Variants in PRKCB observed in about 807,000 individuals in gnomAD.
PRKCB encodes the protein protein kinase C beta type.
In PRKCB, 13 loss-of-function variants were observed where a neutral mutation model predicts 81.5. The observed-to-expected ratio is 0.16, with a 90% CI of 0.10 to 0.25. The LOEUF (loss-of-function observed/expected upper bound fraction) is 0.25. PRKCB is among the 10% of genes least tolerant of loss of function. The pLI, the probability that PRKCB is intolerant of heterozygous loss-of-function variation, is 1.00. For missense variants in PRKCB, 509 were observed against 875.7 expected, an observed-to-expected ratio of 0.58 and a Z score of 5.29; for synonymous variants, 335 against 321.4, an observed-to-expected ratio of 1.04 and a Z score of -0.45.
intron 7 of PRKCB, among the ~76,000 whole-genome samples, chr16:24,095,376 G>A (rs943424011): frequency 6.6e-6 from 1 of 152,136 alleles, no homozygotes; most frequent in Non-Finnish European, 1.5e-5. Flanking sequence ...TGCAGTAATA[G>A]GGGTGTGAAA....
At chr16:24,126,036 G>A (rs1288135254) in intron 9 of PRKCB, among the ~76,000 whole-genome samples, 1 of 152,192 alleles carries the variant, frequency 6.6e-6, no homozygotes, top group Non-Finnish European at 1.5e-5. Flanking sequence ...CAGTGAACTA[G>A]AAGATTATGG....
intron 3 of PRKCB, among the ~76,000 whole-genome samples, chr16:24,004,494 A>G (rs1052917448): frequency 1.5e-4 from 22 of 151,270 alleles, no homozygotes; most frequent in Admixed American, 2.0e-4. Context: ...AAAAAAAAAA[A>G]AAAAGAAAAA....
At chr16:23,936,900 C>A (rs574187567) in intron 2 of PRKCB, among the ~76,000 whole-genome samples, 2 of 152,244 alleles carry the variant, frequency 1.3e-5, no homozygotes, top group Admixed American at 1.3e-4. Flanking sequence ...CCCATAAGTG[C>A]TATTTCTTGG....
chr16:24,128,507 G>T (rs1208242394), intron 9 of PRKCB, among the ~76,000 whole-genome samples: 1 of 152,220 alleles, frequency 6.6e-6, no homozygotes, highest in African/African-American at 2.4e-5. Flanking sequence ...TTTCAAATGT[G>T]TAAGCCCGTT....
intron 2 of PRKCB, among the ~76,000 whole-genome samples, chr16:23,850,557 G>A (rs908480314): frequency 5.3e-5 from 8 of 152,084 alleles, no homozygotes; most frequent in African/African-American, 1.9e-4. Flanking sequence ...TAGAGACGGG[G>A]TTTCACTGTG....
intron 2 of PRKCB, among the ~76,000 whole-genome samples, chr16:23,972,807 G>A (rs1467212997): frequency 6.6e-6 from 1 of 152,172 alleles, no homozygotes; most frequent in Non-Finnish European, 1.5e-5. Context: ...CTGAGCTCCT[G>A]TTATGTGTCA....
chr16:24,030,138 T>C (rs2141853208), intron 3 of PRKCB, among the ~76,000 whole-genome samples: 1 of 152,278 alleles, frequency 6.6e-6, no homozygotes, highest in Non-Finnish European at 1.5e-5. Flanking sequence ...CCTCAAGTGA[T>C]CCTCCCACCT....
chr16:23,836,711 C>G (rs981588414), intron 1 of PRKCB, among the ~76,000 whole-genome samples: 1 of 151,764 alleles, frequency 6.6e-6, no homozygotes, highest in African/African-American at 2.4e-5. Context: ...CCCGGGGTTC[C>G]CTATCTCTCC....
chr16:23,836,784 C>G (rs1962169356), intron 1 of PRKCB, among the ~76,000 whole-genome samples: 1 of 150,536 alleles, frequency 6.6e-6, no homozygotes, highest in African/African-American at 2.4e-5. Context: ...GGGCGGCGCC[C>G]TGGGTGTCCT....
At chr16:24,105,573 T>C (rs1486835783) in intron 7 of PRKCB, among the ~76,000 whole-genome samples, 2 of 152,118 alleles carry the variant, frequency 1.3e-5, no homozygotes, top group African/African-American at 4.8e-5. Flanking sequence ...TAATGTTCCC[T>C]TCCTTGTGTC....
At position 23,947,642 on chromosome 16, in the gene PRKCB, A is replaced by T. The variant is rs550942037; in HGVS notation, c.206-40866A>T. ...AGTGGGGGTCTTCAGAGATACATAGATGCATATAGTCAGGACAAGAGTTAG... is the reference window on the plus strand; with the variant it reads ...AGTGGGGGTCTTCAGAGATACATAGTTGCATATAGTCAGGACAAGAGTTAG... On this transcript the variant is annotated intron_variant, in intron 2 of 16. Coordinates refer to ENST00000643927, the MANE Select transcript of PRKCB (RefSeq NM_002738.7). Among the ~76,000 whole-genome samples the T allele has an allele frequency of 8.7e-4, 132 of 152,262 alleles. 1 individual carries two copies. The highest frequency in any genetic ancestry group is 2.3e-3 in the Admixed American group (35 of 15,292).
chr16:24,027,215 A>T (rs574350288), intron 3 of PRKCB, among the ~76,000 whole-genome samples: 1 of 151,838 alleles, frequency 6.6e-6, no homozygotes, highest in Non-Finnish European at 1.5e-5. Flanking sequence ...TCATCGTTCA[A>T]CTCCCACTTA....
In PRKCB at chr16:23,879,524, G is replaced by A. The variant is rs148906281; in HGVS notation, c.205+42118G>A. ...TTTTTTTTTTTTTTTTTTTTGAGAC[G>A]GAGCCCCACTGTTGCCAGGAGTGCA... On this transcript the variant is annotated intron_variant, in intron 2 of 16. Transcript: ENST00000643927. Among the ~76,000 whole-genome samples, 77 of 89,504 alleles carry A rather than the reference G, an allele frequency of 8.6e-4. 3 individuals are homozygous for A. The East Asian group carries it at 0.026, about 30-fold the overall frequency. 58.7% of individuals were successfully genotyped at this position (89,504 alleles called of 152,430 possible).
chr16:24,192,147 G>A (rs546133342), intron 16 of PRKCB, among the ~76,000 whole-genome samples: 311 of 152,336 alleles, frequency 2.0e-3, no homozygotes, highest in African/African-American at 7.0e-3. Flanking sequence ...TTTGATACTA[G>A]TATTGTTATT....
At chr16:24,190,981 A>C in intron 15 of PRKCB, 109 bp from the exon 16 acceptor site, 190 of 1,042,426 alleles carry the variant, frequency 1.8e-4, no homozygotes, top group Non-Finnish European at 2.4e-4. Flanking sequence ...ATGAGTTGAG[A>C]TTCTTCATTT....
At chr16:23,847,551 A>ACCATCCATCCATCCATCCAT (rs1055062679) in intron 2 of PRKCB, among the ~76,000 whole-genome samples, 7 of 68,308 alleles carry the variant, frequency 1.0e-4, no homozygotes, top group South Asian at 3.7e-4. Context: ...CATCCATCCA[A>ACCATCCATCCATCCATCCAT]CCATCCATCC....
intron 2 of PRKCB, among the ~76,000 whole-genome samples, chr16:23,956,750 A>T (rs1596486636): frequency 6.6e-6 from 1 of 152,218 alleles, no homozygotes. Flanking sequence ...AATAATTGCT[A>T]AAATTTTTCT....
intron 7 of PRKCB, among the ~76,000 whole-genome samples, chr16:24,110,606 T>G (rs990604689): frequency 2.7e-5 from 4 of 150,524 alleles, no homozygotes; most frequent in Non-Finnish European, 4.4e-5. Flanking sequence ...AGCCTTGACC[T>G]TCTGGACTCA....
At chr16:23,888,789 C>A (rs1014414486) in intron 2 of PRKCB, among the ~76,000 whole-genome samples, 1 of 152,114 alleles carries the variant, frequency 6.6e-6, no homozygotes, top group Admixed American at 6.6e-5. Context: ...GACTGGGTAA[C>A]AGGCTTGAAG....
Sources: allele counts gnomAD v4.1 joint callset (sites outside exome capture counted in the v4.1 genomes callset), GRCh38; gene constraint gnomAD v4.1.1; transcripts MANE v1.5; gene names NCBI Gene and HGNC (gene_info 2026-07-23, HGNC 2026-07-21).